Variants in DTHD1 observed in about 807,000 individuals in gnomAD.
DTHD1 encodes the protein death domain-containing protein 1.
In DTHD1, 59 loss-of-function variants were observed where a neutral mutation model predicts 74.8. The observed-to-expected ratio is 0.79, with a 90% CI of 0.64 to 0.98. The LOEUF (loss-of-function observed/expected upper bound fraction) is 0.98. Among genes scored for constraint, DTHD1 ranks in the 50% least tolerant of loss-of-function variants. DTHD1 has a pLI of 0.00. For synonymous variants in DTHD1, 365 were observed against 371.1 expected, an observed-to-expected ratio of 0.98 and a Z score of 0.19; for missense variants, 1,051 against 1,065.4, an observed-to-expected ratio of 0.99 and a Z score of 0.19.
At chr4:36,327,624 G>C (rs1184654718) in intron 8 of DTHD1, among the ~76,000 whole-genome samples, 1 of 152,148 alleles carries the variant, frequency 6.6e-6, no homozygotes, top group Non-Finnish European at 1.5e-5. Flanking sequence ...TGCTTTATGT[G>C]CATTACGTCA....
chr4:36,299,274 C>T (rs971379565), intron 5 of DTHD1, among the ~76,000 whole-genome samples: 4 of 152,114 alleles, frequency 2.6e-5, no homozygotes, highest in African/African-American at 9.7e-5. Context: ...CACTAGGCAT[C>T]GTCTTTGGAG....
chr4:36,343,027 G>T (rs1439446418), intron 9 of DTHD1, among the ~76,000 whole-genome samples: 2 of 151,902 alleles, frequency 1.3e-5, no homozygotes, highest in Non-Finnish European at 2.9e-5. Context: ...GGAGGCGAAG[G>T]TTGCAGTGAG....
At chr4:36,335,613 G>C (rs1560819703) in intron 8 of DTHD1, among the ~76,000 whole-genome samples, 2 of 152,106 alleles carry the variant, frequency 1.3e-5, no homozygotes, top group Non-Finnish European at 2.9e-5. Context: ...TACTTTCCTG[G>C]CCCTCAAAAA....
chr4:36,310,068 A>G (rs1365549518), intron 7 of DTHD1, among the ~76,000 whole-genome samples: 2 of 152,190 alleles, frequency 1.3e-5, no homozygotes, highest in Non-Finnish European at 2.9e-5. Flanking sequence ...TCCATGGTGT[A>G]TATGTACCAC....
Position 36,306,329 on chromosome 4 carries a change from T to C in DTHD1, c.1782T>C (p.Val594=), listed in dbSNP as rs1720906973. ...CCATACAGAGCGGCTTGGTATCAGT[T>C]GAATTGTATGAACATTTGGAGAGGT... ...VKTIQSGLVS[V]ELYEHLERFI... Residue 594 remains valine, a synonymous_variant, in exon 6 of 10, where the codon GTT becomes GTC. Transcript: ENST00000639862. 1 of 1,550,006 alleles carries C rather than the reference T, an allele frequency of 6.5e-7. No individual in the cohort carries two copies. The highest frequency in any genetic ancestry group is 1.4e-5 in the African/African-American group (1 of 73,024).
intron 8 of DTHD1, among the ~76,000 whole-genome samples, chr4:36,336,338 T>C (rs1759006942): frequency 7.7e-6 from 1 of 130,414 alleles, no homozygotes; most frequent in Admixed American, 7.9e-5. Flanking sequence ...TAAGAAAATG[T>C]AATCGAATGG....
At chr4:36,327,939 T>C (rs1434043236) in intron 8 of DTHD1, among the ~76,000 whole-genome samples, 2 of 152,116 alleles carry the variant, frequency 1.3e-5, no homozygotes, top group Non-Finnish European at 2.9e-5. Context: ...TCTTCTTTTG[T>C]CCAATCAAGG....
chr4:36,299,928 C>A (rs147742338), intron 5 of DTHD1, among the ~76,000 whole-genome samples: 2,209 of 152,144 alleles, frequency 0.015, 47 homozygotes, highest in African/African-American at 0.051. Context: ...TGAGATCATG[C>A]CACTACACTC....
chr4:36,324,901 C>T (rs973379400), intron 8 of DTHD1, among the ~76,000 whole-genome samples: 2 of 151,936 alleles, frequency 1.3e-5, no homozygotes, highest in African/African-American at 4.8e-5. Context: ...AGGTGACTTG[C>T]GGGTGCTTCA....
At position 36,339,151 on chromosome 4, in the gene DTHD1, G is replaced by T; in HGVS notation, c.2380G>T (p.Val794Phe). 6.5e-7 allele frequency: 1 copy of T among 1,547,368 alleles called. No homozygotes were observed. The highest frequency in any genetic ancestry group is 1.2e-5 in the South Asian group (1 of 83,730). ...CAACCGTCCACAGAGTACCAAAAGA[G>T]TTTCTAAGGATCCTGTAGGTGAGGA... ...LINRPQSTKR[V>F]SKDPVEALWD... Residue 794 changes from valine to phenylalanine, a missense_variant, in exon 9 of 10, where the codon GTT becomes TTT. Physicochemically the swap from Val to Phe is conservative, Grantham distance 50 (BLOSUM62 -1). Coordinates refer to ENST00000639862, the MANE Select transcript of DTHD1 (RefSeq NM_001170700.3).
chr4:36,313,626 C>A (rs938233745), intron 7 of DTHD1, among the ~76,000 whole-genome samples: 1 of 152,176 alleles, frequency 6.6e-6, no homozygotes, highest in Non-Finnish European at 1.5e-5. Context: ...ATAATTTCAT[C>A]CCAACTACAT....
chr4:36,308,303 A>G lies in DTHD1; in HGVS notation c.1905A>G (p.Ile635Met), dbSNP rs1340614999. Reference sequence around the variant, plus strand: ...CCATGCTCAGCACCACTGCCTGCATAGTACTGTCTCACCAGAAGGACAATC... The same window carrying G: ...CCATGCTCAGCACCACTGCCTGCATGGTACTGTCTCACCAGAAGGACAATC... ...EEAMLSTTACIVLSHQKDNPH... is the reference protein window; with the variant it reads ...EEAMLSTTACMVLSHQKDNPH... The change falls in exon 7 of 10, where the codon ATA (isoleucine) becomes ATG (methionine). Residue 635 changes from isoleucine (I) to methionine (M), a missense_variant. Transcript: ENST00000639862. 2 of 1,552,050 alleles carry G rather than the reference A, an allele frequency of 1.3e-6. No individual in the cohort carries two copies. The highest frequency in any genetic ancestry group is 2.0e-5 in the Admixed American group (1 of 51,012).
intron 3 of DTHD1, among the ~76,000 whole-genome samples, chr4:36,293,142 G>T (rs957072440): frequency 6.6e-5 from 10 of 152,288 alleles, no homozygotes; most frequent in Admixed American, 1.3e-4. Flanking sequence ...GGATTCCCTA[G>T]AACAGTGTTG....
chr4:36,298,037 T>A (rs1453242522), intron 5 of DTHD1, among the ~76,000 whole-genome samples: 1 of 152,046 alleles, frequency 6.6e-6, no homozygotes, highest in Non-Finnish European at 1.5e-5. Flanking sequence ...GTTGCTAGAA[T>A]AAGCCACTTT....
At chr4:36,325,071 G>A (rs1758264972) in intron 8 of DTHD1, among the ~76,000 whole-genome samples, 1 of 152,156 alleles carries the variant, frequency 6.6e-6, no homozygotes, top group Non-Finnish European at 1.5e-5. Flanking sequence ...TTTCTTCAGG[G>A]GAAGATTTGG....
At chr4:36,310,506 C>T (rs1006684028) in intron 7 of DTHD1, among the ~76,000 whole-genome samples, 1 of 152,108 alleles carries the variant, frequency 6.6e-6, no homozygotes, top group East Asian at 1.9e-4. Flanking sequence ...GGGAAAATTC[C>T]GGACAGGTTT....
chr4:36,306,274 G>T lies in DTHD1; in HGVS notation c.1727G>T (p.Gly576Val). Residue 576 changes from glycine (G) to valine (V), a missense_variant, in exon 6 of 10, where the codon GGT becomes GTT. Physicochemically the swap from Gly to Val is moderately radical, Grantham distance 109. Coordinates refer to ENST00000639862, the MANE Select transcript of DTHD1 (RefSeq NM_001170700.3). ...CTGGGATTCAGAAGCCAAGACAGTG[G>T]TTGGTGTGGGCTTGATGATGTTGTG... Reference protein sequence around the residue: ...KLLGFRSQDSGWCGLDDVVKT... With the variant: ...KLLGFRSQDSVWCGLDDVVKT... 6.4e-7 allele frequency: 1 copy of T among 1,551,798 alleles called. No homozygotes were observed.
chr4:36,282,847 A>T (rs1488934270), intron 1 of DTHD1, among the ~76,000 whole-genome samples: 1 of 152,226 alleles, frequency 6.6e-6, no homozygotes, highest in Non-Finnish European at 1.5e-5. Context: ...CTGAGAAGCC[A>T]TCAGCTGCAG....
Position 36,343,598 on chromosome 4 carries a change from C to A in DTHD1, c.2495C>A (p.Thr832Asn). The A allele has an allele frequency of 6.4e-7, 1 of 1,551,838 alleles. No homozygotes were observed. The highest frequency in any genetic ancestry group is 8.7e-7 in the Non-Finnish European group (1 of 1,146,972). Residue 832 changes from threonine to asparagine, a missense_variant, in exon 10 of 10, where the codon ACC (threonine) becomes AAC (asparagine). Coordinates refer to ENST00000639862, the MANE Select transcript of DTHD1 (RefSeq NM_001170700.3). Reference sequence around the variant, plus strand: ...TCAACTCTCCCTCTGCGCCGTAGCACCATTCAGCTCATCAAACTCAAGAAC... The same window carrying A: ...TCAACTCTCCCTCTGCGCCGTAGCAACATTCAGCTCATCAAACTCAAGAAC... ...LSSTLPLRRS[T>N]IQLIKLKNPD...
Sources: gnomAD v4.1 joint callset for allele counts (sites outside exome capture counted in the v4.1 genomes callset) on GRCh38, gnomAD v4.1.1 for gene constraint, MANE v1.5 for transcripts, NCBI Gene and HGNC (gene_info 2026-07-23, HGNC 2026-07-21) for gene names.